Variants in TNRC18 observed in about 807,000 individuals in gnomAD.
TNRC18 encodes trinucleotide repeat containing 18, also known as trinucleotide repeat-containing gene 18 protein.
TNRC18 carries 69 observed loss-of-function variants against 226.7 expected under a neutral mutation model. The ratio of observed to expected loss-of-function variants is 0.30; its 90% confidence interval spans 0.25 to 0.37. The LOEUF (loss-of-function observed/expected upper bound fraction) is 0.37. Among genes scored for constraint, TNRC18 ranks in the 10% least tolerant of loss-of-function variants. TNRC18 has a pLI of 1.00. For missense variants in TNRC18, 4,754 were observed against 4,256.6 expected (o/e 1.12, Z -3.25); for synonymous variants, 2,449 against 1,927.6 (o/e 1.27, Z -7.09).
At chr7:5,343,556 G>A (rs1054844657) in intron 18 of TNRC18, among the ~76,000 whole-genome samples, 1 of 152,052 alleles carries the variant, frequency 6.6e-6, no homozygotes, top group Admixed American at 6.6e-5. Flanking sequence ...CCAAGTAGCT[G>A]GGACCAGAGG....
rs190837877 is a variant in TNRC18 at position 5,389,298 on chromosome 7, G to A, written c.526C>T (p.Leu176=). Residue 176 remains leucine (L), a synonymous_variant, in exon 5 of 30, where the codon CTG becomes TTG. Coordinates refer to ENST00000430969, the MANE Select transcript of TNRC18 (RefSeq NM_001080495.3). The stretch of plus-strand genomic sequence containing the variant: ...CGGGCCGAGGGCGCGTGAGAGTGCA[G>A]GGAGCCCGGAGCCCCCGCGGTGGGC... ...YLPTAGAPGS[L]HSHAPSARTP... is the part of the protein sequence containing the mutation. The A allele has an allele frequency of 6.1e-4, 779 of 1,286,256 alleles. 6 individuals are homozygous for A. The African/African-American group carries it at 0.011, about 18-fold the overall frequency. The allele number at this position is 1,286,256 out of a possible 1,614,324, so 79.7% of individuals were successfully genotyped here.
At chr7:5,417,435 A>G (rs1411532015) in intron 2 of TNRC18, among the ~76,000 whole-genome samples, 2 of 152,200 alleles carry the variant, frequency 1.3e-5, no homozygotes, top group African/African-American at 4.8e-5. Context: ...ACGCTATTGC[A>G]TTCCAGCCTG....
chr7:5,406,125 T>C (rs10252168), intron 2 of TNRC18, among the ~76,000 whole-genome samples: 29,080 of 152,116 alleles, frequency 0.19, 6,120 homozygotes, highest in African/African-American at 0.52. Flanking sequence ...ACAACGTGGA[T>C]GTACCTTGAG....
intron 18 of TNRC18, among the ~76,000 whole-genome samples, chr7:5,338,788 C>T (rs1197359350): frequency 2.0e-5 from 3 of 151,408 alleles, no homozygotes; most frequent in African/African-American, 7.3e-5. Context: ...GGCATGGAGG[C>T]GCATGCCTGC....
intron 19 of TNRC18, among the ~76,000 whole-genome samples, chr7:5,327,347 A>G (rs1039153892): frequency 1.4e-4 from 21 of 151,224 alleles, no homozygotes; most frequent in East Asian, 3.9e-4. Flanking sequence ...TTTGGGGGGG[A>G]AAAATATATA....
In TNRC18 at chr7:5,421,098, C is replaced by G; in HGVS notation, c.149G>C (p.Gly50Ala). 1 of 1,479,620 alleles carries G rather than the reference C, an allele frequency of 6.8e-7. No individual in the cohort carries two copies. The highest frequency in any genetic ancestry group is 9.0e-7 in the Non-Finnish European group (1 of 1,106,066). The allele number at this position is 1,479,620 out of a possible 1,614,324, so 91.7% of individuals were successfully genotyped here. ...GAGATTCAGGCCGGCCATGTACTTCCCGGGCGGCAGCGGGCCGGGCAAGCC... is the reference window on the plus strand; with the variant it reads ...GAGATTCAGGCCGGCCATGTACTTCGCGGGCGGCAGCGGGCCGGGCAAGCC... ...ASGLPGPLPP[G>A]KYMAGLNLHP... The change falls in exon 2 of 30, where the codon GGG (glycine) becomes GCG (alanine). Residue 50 changes from glycine (G) to alanine (A), a missense_variant. Transcript: ENST00000430969.
chr7:5,357,281 A>G lies in TNRC18; in HGVS notation c.4834-5T>C. On this transcript the variant is annotated splice_region_variant and splice_polypyrimidine_tract_variant and intron_variant, in intron 15 of 29. Transcript: ENST00000430969. ...CTTCTTCTTCTTAATCTTTAGCTGG[A>G]GAGGGAAGGTGGGTCATGGGTTAAA... 6.2e-7 allele frequency: 1 copy of G among 1,607,436 alleles called. No individual in the cohort carries two copies.
Position 5,339,579 on chromosome 7 carries a change from T to TG in TNRC18, c.5719+5982_5719+5983insC, listed in dbSNP as rs1562514263. Among the ~76,000 whole-genome samples, 504 of 122,630 alleles carry TG rather than the reference T, an allele frequency of 4.1e-3. 1 individual carries two copies. Among genetic ancestry groups the TG allele is most frequent in the South Asian group, 0.023 (92 of 4,014 alleles). 80.5% of individuals were successfully genotyped at this position (122,630 alleles called of 152,430 possible). A position where few individuals can be genotyped will look rare whatever the true frequency, so the allele number is the denominator to read the frequency against. On this transcript the variant is annotated intron_variant, in intron 18 of 29. Transcript: ENST00000430969. ...TGTGTGTGTGTGTGTGTGTGTGTGT[T>TG]TTTCGACAGAGTGTCGCTCTTGTCA...
intron 24 of TNRC18, 197 bp downstream of exon 24, chr7:5,320,121 G>T: frequency 1.8e-6 from 1 of 570,604 alleles, no homozygotes; most frequent in African/African-American, 1.9e-5. Context: ...ACTGCTGACA[G>T]ATACTCAGAG....
chr7:5,414,765 C>T (rs537365998), intron 2 of TNRC18, among the ~76,000 whole-genome samples: 2 of 152,210 alleles, frequency 1.3e-5, no homozygotes, highest in Admixed American at 1.3e-4. Context: ...TACAGAACCA[C>T]ACACAGTTAT....
At chr7:5,373,154 G>C (rs182187825) in intron 10 of TNRC18, among the ~76,000 whole-genome samples, 1 of 152,086 alleles carries the variant, frequency 6.6e-6, no homozygotes, top group Admixed American at 6.6e-5. Flanking sequence ...GCAAAACTCC[G>C]TCTCAAAAAT....
Position 5,359,416 on chromosome 7 carries a change from C to T in TNRC18, c.4815G>A (p.Ser1605=), listed in dbSNP as rs746532562. 2.5e-5 allele frequency: 40 copies of T among 1,613,976 alleles called. 1 individual carries two copies. The South Asian group carries it at 3.3e-4, about 13-fold the overall frequency. Residue 1605 remains serine (S), a synonymous_variant, in exon 15 of 30, where the codon TCG becomes TCA. Coordinates refer to ENST00000430969, the MANE Select transcript of TNRC18 (RefSeq NM_001080495.3). ...RNQTWDEHEA[S]SDFISQLKIK... ...TACTCACCTGACTGATGAAGTCCGA[C>T]GAGGCCTCATGTTCATCCCAAGTCT...
At chr7:5,359,067 A>G (rs941821283) in intron 15 of TNRC18, among the ~76,000 whole-genome samples, 2 of 152,202 alleles carry the variant, frequency 1.3e-5, no homozygotes, top group South Asian at 2.1e-4. Context: ...TTACACCATT[A>G]AACAACAGAG....
chr7:5,347,327 C>T (rs1791298778), intron 17 of TNRC18, among the ~76,000 whole-genome samples: 1 of 150,828 alleles, frequency 6.6e-6, no homozygotes, highest in African/African-American at 2.4e-5. Flanking sequence ...AGTGGGACTA[C>T]AGGCGCCCAC....
At chr7:5,338,256 T>A (rs529587969) in intron 18 of TNRC18, among the ~76,000 whole-genome samples, 21 of 152,206 alleles carry the variant, frequency 1.4e-4, no homozygotes, top group Admixed American at 3.9e-4. Flanking sequence ...TCAAATAAAT[T>A]TGTTTAAAAG....
intron 3 of TNRC18, among the ~76,000 whole-genome samples, chr7:5,391,853 A>ATTTT (rs147029942): frequency 0.19 from 25,112 of 130,818 alleles, 3,655 homozygotes; most frequent in African/African-American, 0.4. Context: ...AAAAAAAAAA[A>ATTTT]TTTAAATAGT....
chr7:5,387,994 C>G lies in TNRC18; in HGVS notation c.1830G>C (p.Lys610Asn). 2 of 1,589,216 alleles carry G rather than the reference C, an allele frequency of 1.3e-6. No homozygotes were observed. The highest frequency in any genetic ancestry group is 1.7e-6 in the Non-Finnish European group (2 of 1,169,142). ...VAVRPGGCGK[K>N]SPFGGLGTMK... ...TGGTGCCCAAACCTCCAAAGGGGCT[C>G]TTCTTGCCACAGCCACCAGGGCGCA... Residue 610 changes from lysine (K) to asparagine (N), a missense_variant, in exon 5 of 30, where the codon AAG (lysine) becomes AAC (asparagine). Physicochemically the swap from Lys to Asn is moderately conservative, Grantham distance 94. Coordinates refer to ENST00000430969, the MANE Select transcript of TNRC18 (RefSeq NM_001080495.3).
chr7:5,418,757 A>C (rs1782348226), intron 2 of TNRC18, among the ~76,000 whole-genome samples: 1 of 152,196 alleles, frequency 6.6e-6, no homozygotes, highest in African/African-American at 2.4e-5. Context: ...CCTGCACCCC[A>C]CAAAGAAAAC....
chr7:5,326,112 T>C (rs1052269448), intron 19 of TNRC18, among the ~76,000 whole-genome samples: 2 of 152,080 alleles, frequency 1.3e-5, no homozygotes, highest in Non-Finnish European at 2.9e-5. Context: ...TGCAAGTTCC[T>C]CTCCAGTGAC....
Sources: gnomAD v4.1 joint callset for allele counts (sites outside exome capture counted in the v4.1 genomes callset) on GRCh38, gnomAD v4.1.1 for gene constraint, MANE v1.5 for transcripts, NCBI Gene and HGNC (gene_info 2026-07-23, HGNC 2026-07-21) for gene names.